The following SRL variants were observed in gnomAD, a reference collection of about 807,000 sequenced individuals.
SRL encodes the protein sarcalumenin.
SRL carries 23 observed loss-of-function variants against 39.5 expected under a neutral mutation model. The ratio of observed to expected loss-of-function variants is 0.58; its 90% CI spans 0.42 to 0.82. The LOEUF (loss-of-function observed/expected upper bound fraction) is 0.82. SRL is among the 40% of genes least tolerant of loss of function. The pLI, the probability that SRL is intolerant of heterozygous loss-of-function variation, is 0.00. For missense variants in SRL, 592 were observed against 607.8 expected, an observed-to-expected ratio of 0.97 and a Z score of 0.27; for synonymous variants, 272 against 237.4, an observed-to-expected ratio of 1.15 and a Z score of -1.34.
chr16:4,195,900 A>G, intron 4 of SRL, 114 bp from the exon 5 acceptor site: 1 of 835,800 alleles, frequency 1.2e-6, no homozygotes, highest in Non-Finnish European at 1.9e-6. Context: ...AGAATTGGAT[A>G]TGTTTGCCAA....
At chr16:4,216,232 G>A (rs1345139534) in intron 1 of SRL, among the ~76,000 whole-genome samples, 1 of 152,048 alleles carries the variant, frequency 6.6e-6, no homozygotes, top group Non-Finnish European at 1.5e-5. Context: ...GGAGTCATCA[G>A]TATAAATGAC....
chr16:4,233,844 T>C (rs2052685094), intron 1 of SRL, among the ~76,000 whole-genome samples: 1 of 152,056 alleles, frequency 6.6e-6, no homozygotes, highest in African/African-American at 2.4e-5. Flanking sequence ...TATTTGATCC[T>C]TTTGTGCCTT....
intron 1 of SRL, among the ~76,000 whole-genome samples, chr16:4,228,678 T>C (rs1487644019): frequency 4.6e-5 from 7 of 151,030 alleles, no homozygotes; most frequent in Non-Finnish European, 8.8e-5. Context: ...GAGCTTGCAG[T>C]GAGCCAAGAT....
At chr16:4,232,313 C>A (rs1395052035) in intron 1 of SRL, among the ~76,000 whole-genome samples, 2 of 152,194 alleles carry the variant, frequency 1.3e-5, no homozygotes, top group Non-Finnish European at 2.9e-5. Context: ...TCTTGATCTC[C>A]TTGGGTAAGT....
chr16:4,213,404 C>CTTTTTTTTTTTTTTTT (rs1176583909), intron 1 of SRL, among the ~76,000 whole-genome samples: 12 of 69,586 alleles, frequency 1.7e-4, no homozygotes, highest in African/African-American at 4.1e-4. Flanking sequence ...TTTTCTTTTT[C>CTTTTTTTTTTTTTTTT]TTTTTTTTTT....
At chr16:4,221,786 C>T (rs2052533799) in intron 1 of SRL, among the ~76,000 whole-genome samples, 1 of 152,202 alleles carries the variant, frequency 6.6e-6, no homozygotes. Context: ...CCTCTGAAAC[C>T]CACAGGAGAG....
intron 1 of SRL, chr16:4,207,855 T>C (rs1228350524): frequency 4.4e-6 from 2 of 456,480 alleles, no homozygotes; most frequent in Middle Eastern, 3.3e-4. Flanking sequence ...TGGAGGTGAC[T>C]CTGTGGCTGA....
intron 1 of SRL, among the ~76,000 whole-genome samples, chr16:4,230,518 T>C (rs1567190126): frequency 1.3e-5 from 2 of 151,874 alleles, no homozygotes; most frequent in East Asian, 1.9e-4. Context: ...GTAGCTGGGA[T>C]TACAGGCGGG....
chr16:4,222,677 C>G (rs1409669025), intron 1 of SRL, among the ~76,000 whole-genome samples: 1 of 144,866 alleles, frequency 6.9e-6, no homozygotes, highest in East Asian at 1.9e-4. Flanking sequence ...ATCCCCTCAC[C>G]ATAAGTAACC....
Position 4,192,701 on chromosome 16 carries a change from A to T in SRL, c.874T>A (p.Ser292Thr), listed in dbSNP as rs756921196. The stretch of plus-strand genomic sequence containing the variant: ...GGCTTATACTCTTGTGGCCAGAAGG[A>T]GCTGACGTAAACCCTTGGGGGCTCT... The part of the protein sequence containing the change: ...VTEPPRVYVS[S>T]FWPQEYKPDT... The change falls in exon 6 of 6, where the codon TCC (serine) becomes ACC (threonine). Residue 292 changes from serine to threonine, a missense_variant. Ser to Thr is a moderately conservative substitution (Grantham distance 58, BLOSUM62 1). Transcript: ENST00000399609. This position sits in a 1 kb window ranked among gnomAD's most constrained non-coding sequence, Gnocchi z 4.0. The T allele has an allele frequency of 1.4e-5, 22 of 1,613,908 alleles. No individual in the cohort carries two copies. Among genetic ancestry groups the T allele is most frequent in the Non-Finnish European group, 1.9e-5 (22 of 1,180,008 alleles).
chr16:4,204,315 A>G (rs1034850531), intron 2 of SRL, among the ~76,000 whole-genome samples: 6 of 125,918 alleles, frequency 4.8e-5, no homozygotes, highest in African/African-American at 1.7e-4. Context: ...CTGGAACCCC[A>G]AGGCTTGGAC....
At chr16:4,236,515 C>A (rs1038628597) in intron 1 of SRL, among the ~76,000 whole-genome samples, 11 of 152,174 alleles carry the variant, frequency 7.2e-5, no homozygotes, top group African/African-American at 2.7e-4. Flanking sequence ...GCCTCCCTCT[C>A]ATCTTTACGT....
chr16:4,199,559 TG>T (rs1177651811), intron 3 of SRL, among the ~76,000 whole-genome samples: 5 of 151,730 alleles, frequency 3.3e-5, no homozygotes, highest in African/African-American at 1.2e-4. Flanking sequence ...AGAGTAGAGA[TG>T]GGGTCTTGCC....
At position 4,204,401 on chromosome 16, in the gene SRL, C is replaced by CAAGATACAGCCCCGGCCTCT. The variant is rs1413372794; in HGVS notation, c.163+131_163+132insAGAGGCCGGGGCTGTATCTT. On this transcript the variant is annotated intron_variant, in intron 2 of 5. Transcript: ENST00000399609. ...CTTCCCCAACGTCCCCTCCAGCCTC[C>CAAGATACAGCCCCGGCCTCT]AAGATAGATACAGCCCCGGCCTCCA... The CAAGATACAGCCCCGGCCTCT allele has an allele frequency of 7.8e-5, 62 of 794,606 alleles. 1 individual carries two copies. The African/African-American group carries it at 1.2e-3, about 15-fold the overall frequency. 49.2% of individuals were successfully genotyped at this position (794,606 alleles called of 1,614,324 possible). A position where few individuals can be genotyped will look rare whatever the true frequency, so the allele number is the denominator to read the frequency against.
chr16:4,203,693 GT>G (rs35160931), intron 2 of SRL, among the ~76,000 whole-genome samples: 13,190 of 151,306 alleles, frequency 0.087, 1,669 homozygotes, highest in African/African-American at 0.28. Context: ...GGCCTGAGCT[GT>G]TTTTTTTTAA....
intron 1 of SRL, among the ~76,000 whole-genome samples, chr16:4,223,480 C>T (rs2052554013): frequency 1.3e-5 from 2 of 151,834 alleles, no homozygotes; most frequent in Non-Finnish European, 2.9e-5. Flanking sequence ...AGGGCTCAAA[C>T]GATCCTCCCA....
intron 1 of SRL, among the ~76,000 whole-genome samples, chr16:4,205,243 G>A (rs1323442431): frequency 3.9e-5 from 6 of 152,076 alleles, no homozygotes; most frequent in African/African-American, 1.2e-4. Context: ...CAGCTCAGGA[G>A]GTCAAGGCTG....
intron 1 of SRL, among the ~76,000 whole-genome samples, chr16:4,211,318 G>GC (rs971239691): frequency 3.3e-5 from 5 of 152,254 alleles, no homozygotes; most frequent in African/African-American, 9.6e-5. Context: ...ACGTTGGGGG[G>GC]GGTCTCCTAG....
chr16:4,204,419 G>GGCCTCTAAGATACAGCCCCA, intron 2 of SRL, 114 bp downstream of exon 2: 2 of 943,930 alleles, frequency 2.1e-6, no homozygotes, highest in Non-Finnish European at 3.3e-6. Context: ...ATACAGCCCC[G>GGCCTCTAAGATACAGCCCCA]GCCTCCAAGA....
Sources: gnomAD v4.1 joint callset for allele counts (sites outside exome capture counted in the v4.1 genomes callset) on GRCh38, gnomAD v4.1.1 for gene constraint, Gnocchi (gnomAD v3.1) non-coding constraint, MANE v1.5 for transcripts, NCBI Gene and HGNC (gene_info 2026-07-23, HGNC 2026-07-21) for gene names.